APBB2: variants seen among roughly 807,000 people sequenced by gnomAD.
APBB2 encodes the protein amyloid beta precursor protein binding family B member 2.
In APBB2, 38 loss-of-function variants were observed where a neutral mutation model predicts 82.5. The observed-to-expected ratio is 0.46, with a 90% CI of 0.36 to 0.60. The LOEUF is 0.60. Ranked by LOEUF, APBB2 falls within the 20% of genes least tolerant of loss-of-function variation. APBB2 has a pLI of 0.00. For missense variants in APBB2, 772 were observed against 972.3 expected (o/e 0.79, Z 2.74); for synonymous variants, 341 against 368.2 (o/e 0.93, Z 0.85).
At chr4:41,077,747 G>A (rs973980231) in intron 3 of APBB2, among the ~76,000 whole-genome samples, 1 of 152,164 alleles carries the variant, frequency 6.6e-6, no homozygotes, top group Non-Finnish European at 1.5e-5. Flanking sequence ...CTCCCCAAAA[G>A]AGGGTCAAAA....
chr4:41,176,414 A>C (rs913815637), intron 1 of APBB2, among the ~76,000 whole-genome samples: 1 of 152,150 alleles, frequency 6.6e-6, no homozygotes, highest in African/African-American at 2.4e-5. Flanking sequence ...CAGAGCCCTC[A>C]GAGGACAAGC....
At chr4:40,980,265 C>T (rs959881183) in intron 6 of APBB2, among the ~76,000 whole-genome samples, 6 of 152,322 alleles carry the variant, frequency 3.9e-5, no homozygotes, top group Non-Finnish European at 5.9e-5. Context: ...CTCAGGCAAT[C>T]CACTCACCTT....
intron 3 of APBB2, among the ~76,000 whole-genome samples, chr4:41,076,059 A>G (rs1489263954): frequency 5.3e-5 from 8 of 152,216 alleles, no homozygotes; most frequent in Non-Finnish European, 1.5e-5. Context: ...AGAGGCAGAG[A>G]TAAGTTCATG....
intron 1 of APBB2, among the ~76,000 whole-genome samples, chr4:41,177,222 T>C (rs910451543): frequency 6.6e-5 from 10 of 152,162 alleles, no homozygotes; most frequent in African/African-American, 2.4e-4. Flanking sequence ...AATGCACAGA[T>C]GATACAGAAT....
chr4:40,857,894 TG>T (rs1358272627), intron 12 of APBB2, among the ~76,000 whole-genome samples: 1 of 152,106 alleles, frequency 6.6e-6, no homozygotes, highest in Non-Finnish European at 1.5e-5. Flanking sequence ...GAAACCAAAT[TG>T]TAGTTTTATA....
rs1480774001 is a variant in APBB2 at position 40,930,448 on chromosome 4, T to TGTGC, written c.1254+4007_1254+4008insGCAC. Among the ~76,000 whole-genome samples, 99 of 66,540 alleles carry TGTGC rather than the reference T, an allele frequency of 1.5e-3. 1 individual carries two copies. The highest frequency in any genetic ancestry group is 8.1e-3 in the Middle Eastern group (1 of 124). The allele number at this position is 66,540 out of a possible 152,430, so 43.7% of individuals were successfully genotyped here. On this transcript the variant is annotated intron_variant, in intron 10 of 17. Transcript: ENST00000508593. ...GTGTGTGTGTGTGTGTGTGTGTGTGTGCGCGCGCGCGCGCGCGCGTGCGCG... is the reference window on the plus strand; with the variant it reads ...GTGTGTGTGTGTGTGTGTGTGTGTGTGTGCGCGCGCGCGCGCGCGCGCGTGCGCG...
chr4:41,157,662 C>G (rs1169513686), intron 1 of APBB2, among the ~76,000 whole-genome samples: 2 of 152,196 alleles, frequency 1.3e-5, no homozygotes, highest in Admixed American at 1.3e-4. Context: ...AAAGAAGCTG[C>G]CAGTTCTTCG....
At chr4:41,058,306 A>G (rs773967940) in intron 4 of APBB2, among the ~76,000 whole-genome samples, 1 of 152,040 alleles carries the variant, frequency 6.6e-6, no homozygotes, top group Non-Finnish European at 1.5e-5. Context: ...AAAAAAAAGC[A>G]AGAGCAAGTT....
chr4:40,872,960 T>C (rs1765926526), intron 12 of APBB2, among the ~76,000 whole-genome samples: 1 of 151,706 alleles, frequency 6.6e-6, no homozygotes, highest in African/African-American at 2.4e-5. Context: ...TGGTGTTGCG[T>C]GCCTGTAATC....
intron 12 of APBB2, among the ~76,000 whole-genome samples, chr4:40,876,689 T>C (rs1298501111): frequency 3.9e-5 from 6 of 152,226 alleles, no homozygotes; most frequent in African/African-American, 1.4e-4. Flanking sequence ...TGCAAAACTA[T>C]GTAGATAATT....
At position 40,848,570 on chromosome 4, in the gene APBB2, C is replaced by A. The variant is rs1008210188; in HGVS notation, c.1530-17993G>T. On this transcript the variant is annotated intron_variant, in intron 12 of 17. Coordinates refer to ENST00000508593, the MANE Select transcript of APBB2 (RefSeq NM_004307.2). ...TGCTCTGCCTTTCTCTCTCTGTCCCCATTGGACTTTTGGTTCCACCACTGC... is the reference window on the plus strand; with the variant it reads ...TGCTCTGCCTTTCTCTCTCTGTCCCAATTGGACTTTTGGTTCCACCACTGC... Among the ~76,000 whole-genome samples the A allele has an allele frequency of 7.2e-5, 11 of 152,324 alleles. No individual in the cohort carries two copies. The East Asian group carries it at 2.1e-3, about 29-fold the overall frequency.
In APBB2 at chr4:40,821,853, T is replaced by C. The variant is rs1274132949; in HGVS notation, c.2112+18A>G. On this transcript the variant is annotated intron_variant, in intron 17 of 17. Transcript: ENST00000508593. ...GCAGAGGCGGGAGGGCTCAACAGCCTGTACCGGGATAACTCACCATGCAGG... is the reference window on the plus strand; with the variant it reads ...GCAGAGGCGGGAGGGCTCAACAGCCCGTACCGGGATAACTCACCATGCAGG... The C allele has an allele frequency of 1.9e-6, 3 of 1,610,716 alleles. No individual in the cohort carries two copies. Among genetic ancestry groups the C allele is most frequent in the Admixed American group, 1.7e-5 (1 of 59,914 alleles).
chr4:40,848,303 A>G (rs914393036), intron 12 of APBB2, among the ~76,000 whole-genome samples: 4 of 152,252 alleles, frequency 2.6e-5, no homozygotes, highest in African/African-American at 9.6e-5. Context: ...AAGCCACACA[A>G]TAACCTTGCA....
intron 6 of APBB2, among the ~76,000 whole-genome samples, chr4:40,956,962 G>C (rs1269190953): frequency 6.6e-6 from 1 of 152,148 alleles, no homozygotes; most frequent in Non-Finnish European, 1.5e-5. Context: ...TTACTATCAG[G>C]AACAGGAGCT....
At chr4:40,912,200 G>A (rs896429728) in intron 10 of APBB2, among the ~76,000 whole-genome samples, 1 of 152,174 alleles carries the variant, frequency 6.6e-6, no homozygotes, top group Non-Finnish European at 1.5e-5. Flanking sequence ...GTCTGACATA[G>A]GGCTGCTGTC....
Position 40,890,388 on chromosome 4 carries a change from C to T in APBB2, c.1505G>A (p.Trp502Ter). Reference protein sequence around the residue: ...HSQPIVSIRVWGVGRDNGRDF... With the variant: ...HSQPIVSIRV Reference sequence around the variant, plus strand: ...CCGGCCATTGTCGCGGCCCACGCCCCACACGCGGATGCTGACGATGGGCTG... The same window carrying T: ...CCGGCCATTGTCGCGGCCCACGCCCTACACGCGGATGCTGACGATGGGCTG... The change falls in exon 12 of 18, where the codon TGG becomes TAG. Residue 502 changes from tryptophan (W) to a stop codon, truncating the protein, a stop_gained. Coordinates refer to ENST00000508593, the MANE Select transcript of APBB2 (RefSeq NM_004307.2). LOFTEE classifies it high-confidence loss of function. 2 of 1,613,456 alleles carry T rather than the reference C, an allele frequency of 1.2e-6. No individual in the cohort carries two copies. The highest frequency in any genetic ancestry group is 1.7e-6 in the Non-Finnish European group (2 of 1,180,004).
chr4:40,941,240 C>T (rs1578606671), intron 7 of APBB2, among the ~76,000 whole-genome samples: 1 of 151,982 alleles, frequency 6.6e-6, no homozygotes, highest in East Asian at 1.9e-4. Flanking sequence ...AGATTTTGCT[C>T]TCTTCTCATG....
At position 41,079,691 on chromosome 4, in the gene APBB2, G is replaced by T. The variant is rs142655062; in HGVS notation, c.-148-14018C>A. On this transcript the variant is annotated intron_variant, in intron 3 of 17. Coordinates refer to ENST00000508593, the MANE Select transcript of APBB2 (RefSeq NM_004307.2). ...ACCCTCCCAAGTAGCTGGGACTACA[G>T]GCGCAGGCCATCACACCCAGCTAAT... Among the ~76,000 whole-genome samples, 439 of 152,184 alleles carry T rather than the reference G, an allele frequency of 2.9e-3. 3 individuals carry two copies. The highest frequency in any genetic ancestry group is 0.01 in the African/African-American group (425 of 41,528).
intron 6 of APBB2, among the ~76,000 whole-genome samples, chr4:41,011,372 G>A (rs889385770): frequency 2.6e-5 from 4 of 151,118 alleles, no homozygotes; most frequent in Non-Finnish European, 5.9e-5. Flanking sequence ...GTAGAGACAG[G>A]GTTTCACGAT....
Sources: gnomAD v4.1 joint callset for allele counts (sites outside exome capture counted in the v4.1 genomes callset) on GRCh38, gnomAD v4.1.1 for gene constraint, MANE v1.5 for transcripts, NCBI Gene and HGNC (gene_info 2026-07-23, HGNC 2026-07-21) for gene names.